Variants in IFT122 observed in about 807,000 individuals in gnomAD.
The protein encoded by IFT122 is intraflagellar transport protein 122 homolog.
A neutral mutation model predicts 161.6 loss-of-function variants in IFT122; 118 were observed. That is an observed-to-expected ratio of 0.73 (90% CI 0.63 to 0.85). The LOEUF (loss-of-function observed/expected upper bound fraction) is 0.85. IFT122 is among the 40% of genes least tolerant of loss of function. The probability of loss-of-function intolerance (pLI) is 0.00; values close to 1 mark genes in which losing one functional copy is unlikely to be tolerated. For missense variants in IFT122, 1,381 were observed against 1,579.6 expected, an observed-to-expected ratio of 0.87 and a Z score of 2.13; for synonymous variants, 550 against 602.4, an observed-to-expected ratio of 0.91 and a Z score of 1.27.
chr3:129,483,939 A>G (rs538946237), intron 15 of IFT122: 7 of 546,858 alleles, frequency 1.3e-5, no homozygotes, highest in African/African-American at 1.1e-4. Context: ...TGGGAGGGGT[A>G]TGCAGTGTTG....
At chr3:129,482,594 C>G (rs1325339768) in intron 14 of IFT122, among the ~76,000 whole-genome samples, 2 of 152,132 alleles carry the variant, frequency 1.3e-5, no homozygotes, top group African/African-American at 4.8e-5. Flanking sequence ...CTGGCCACCT[C>G]TAGCCCAGAG....
intron 17 of IFT122, among the ~76,000 whole-genome samples, chr3:129,492,820 T>TC (rs1197073520): frequency 6.7e-6 from 1 of 149,716 alleles, no homozygotes; most frequent in African/African-American, 2.5e-5. Context: ...TTTTTTCTTT[T>TC]TTTTTTTTTT....
intron 15 of IFT122, among the ~76,000 whole-genome samples, chr3:129,486,395 C>T (rs1480468916): frequency 6.6e-6 from 1 of 152,210 alleles, no homozygotes; most frequent in Non-Finnish European, 1.5e-5. Context: ...TTTCAGGTTT[C>T]GTCAAGCCAA....
chr3:129,461,210 C>T lies in IFT122; in HGVS notation c.273-18C>T, dbSNP rs759640182. ...TTGTGGTTTGCTGCATAGTAATCTA[C>T]AGTTGTTTACTTCCCAGGCACAATG... is the stretch of plus-strand genomic sequence containing the variant. On this transcript the variant is annotated intron_variant, in intron 4 of 29. Transcript: ENST00000348417. 2 of 1,590,570 alleles carry T rather than the reference C, an allele frequency of 1.3e-6. No homozygotes were observed. The highest frequency in any genetic ancestry group is 1.7e-6 in the Non-Finnish European group (2 of 1,158,522).
chr3:129,498,973 T>A (rs933022793), intron 18 of IFT122, among the ~76,000 whole-genome samples: 7 of 152,212 alleles, frequency 4.6e-5, no homozygotes, highest in Admixed American at 6.5e-5. Flanking sequence ...TCTCACACAT[T>A]GTAGGGCCAG....
chr3:129,516,028 C>G (rs1428672969), intron 26 of IFT122, among the ~76,000 whole-genome samples: 1 of 151,026 alleles, frequency 6.6e-6, no homozygotes, highest in African/African-American at 2.4e-5. Flanking sequence ...CCTGCACACA[C>G]ACACATACAG....
At chr3:129,508,609 C>T (rs2082440863) in intron 23 of IFT122, among the ~76,000 whole-genome samples, 1 of 152,062 alleles carries the variant, frequency 6.6e-6, no homozygotes, top group Non-Finnish European at 1.5e-5. Context: ...AAATAGGAAC[C>T]ATTATGATCA....
chr3:129,480,883 CAAAA>C (rs1235073599), intron 13 of IFT122, among the ~76,000 whole-genome samples: 9 of 151,218 alleles, frequency 6.0e-5, no homozygotes, highest in Admixed American at 6.6e-5. Flanking sequence ...CAAAACAAAA[CAAAA>C]AAAACACCAG....
In IFT122 at chr3:129,520,255, C is replaced by T. The variant is rs776716339; in HGVS notation, c.3716C>T (p.Pro1239Leu). ...CPYCRRCKDD[P>L]GP ...TACTGCCGCAGGTGCAAGGATGACC[C>T]TGGCCCATGACCAGCATCCTGGGGA... Residue 1239 changes from proline (P) to leucine (L), a missense_variant, in exon 30 of 30, where the codon CCT becomes CTT. Pro to Leu is a moderately conservative substitution (Grantham distance 98). This residue lies in a region of IFT122 where 177 missense variants were observed against 199.2 expected (regional missense o/e 0.89). Coordinates refer to ENST00000348417, the MANE Select transcript of IFT122 (RefSeq NM_052989.3). 2.5e-6 allele frequency: 4 copies of T among 1,609,090 alleles called. No homozygotes were observed. The highest frequency in any genetic ancestry group is 3.3e-5 in the Admixed American group (2 of 59,914).
chr3:129,519,232 C>T, intron 28 of IFT122, 46 bp downstream of exon 28: 2 of 1,521,854 alleles, frequency 1.3e-6, no homozygotes, highest in South Asian at 1.1e-5. Flanking sequence ...AGCCTCCATC[C>T]CTTCTCCTGT....
At chr3:129,450,012 T>A in intron 2 of IFT122, 75 bp downstream of exon 2, 4 of 156,032 alleles carry the variant, frequency 2.6e-5, no homozygotes, top group Non-Finnish European at 4.6e-5. Flanking sequence ...AATTTGACCC[T>A]TTTTTTTTTT....
At chr3:129,452,547 G>C (rs2074972977) in intron 3 of IFT122, among the ~76,000 whole-genome samples, 1 of 152,158 alleles carries the variant, frequency 6.6e-6, no homozygotes, top group South Asian at 2.1e-4. Context: ...GGGGGGAAGA[G>C]AGCTCTTTGC....
At position 129,500,105 on chromosome 3, in the gene IFT122, GCATGTCATCA is replaced by G. The variant is rs1298094744; in HGVS notation, c.2375+45_2375+54del. 4 of 1,610,666 alleles carry G rather than the reference GCATGTCATCA, an allele frequency of 2.5e-6. No homozygotes were observed. The African/African-American group carries it at 5.3e-5, about 22-fold the overall frequency. On this transcript the variant is annotated intron_variant, in intron 19 of 29. Coordinates refer to ENST00000348417, the MANE Select transcript of IFT122 (RefSeq NM_052989.3). ...TCCCTGCCCCGAGAAGCATTTGGCA[GCATGTCATCA>G]CATGTCACCTCTTGACTGACAAGGG...
chr3:129,440,483 C>A, intron 1 of IFT122, 112 bp downstream of exon 1: 1 of 1,269,552 alleles, frequency 7.9e-7, no homozygotes, highest in Non-Finnish European at 1.1e-6. Flanking sequence ...GGGCCGAGGG[C>A]ACTGAACCCC....
At chr3:129,520,113 C>A in intron 29 of IFT122, 63 bp from the exon 30 acceptor site, 1 of 1,384,190 alleles carries the variant, frequency 7.2e-7, no homozygotes, top group Admixed American at 1.8e-5. Flanking sequence ...TGCGTCCTGG[C>A]CCCAGGCGTA....
At position 129,517,547 on chromosome 3, in the gene IFT122, T is replaced by C; in HGVS notation, c.3344T>C (p.Val1115Ala). 1 of 1,613,918 alleles carries C rather than the reference T, an allele frequency of 6.2e-7. No homozygotes were observed. The highest frequency in any genetic ancestry group is 8.5e-7 in the Non-Finnish European group (1 of 1,179,922). The change falls in exon 27 of 30, where the codon GTG becomes GCG. Residue 1115 changes from valine to alanine, a missense_variant. Physicochemically the swap from Val to Ala is moderately conservative, Grantham distance 64 (BLOSUM62 0). This residue lies in a region of IFT122 where 177 missense variants were observed against 199.2 expected (regional missense o/e 0.89). Coordinates refer to ENST00000348417, the MANE Select transcript of IFT122 (RefSeq NM_052989.3). ...GCCATCTCCCTCATCGACCTGGAGG[T>C]GCTGAGACCCAAGCGGGATGACAGA... ...EEAISLIDLE[V>A]LRPKRDDRQL...
At chr3:129,506,072 C>T (rs1307847351) in intron 21 of IFT122, among the ~76,000 whole-genome samples, 1 of 152,188 alleles carries the variant, frequency 6.6e-6, no homozygotes, top group African/African-American at 2.4e-5. Context: ...AAACTTTGCC[C>T]TGGAATGAGC....
intron 18 of IFT122, among the ~76,000 whole-genome samples, chr3:129,496,550 C>G (rs1301341037): frequency 4.6e-5 from 7 of 152,206 alleles, no homozygotes; most frequent in South Asian, 4.1e-4. Context: ...ATCTTCCCCA[C>G]TTTTTTCTGC....
In IFT122 at chr3:129,502,859, G is replaced by T. The variant is rs761464058; in HGVS notation, c.2524G>T (p.Val842Leu). 1.9e-6 allele frequency: 3 copies of T among 1,611,808 alleles called. No homozygotes were observed. Among genetic ancestry groups the T allele is most frequent in the South Asian group, 1.1e-5 (1 of 91,088 alleles). Residue 842 changes from valine to leucine, a missense_variant, in exon 20 of 30, where the codon GTG becomes TTG. This residue lies in a region of IFT122 where 496 missense variants were observed against 502.5 expected (regional missense o/e 0.99). Coordinates refer to ENST00000348417, the MANE Select transcript of IFT122 (RefSeq NM_052989.3). Reference sequence around the variant, plus strand: ...CCTCAAGTCCCTGGTGCAGCTGCACGTGGAGACCCAGCGCTGGGATGAGGT... The same window carrying T: ...CCTCAAGTCCCTGGTGCAGCTGCACTTGGAGACCCAGCGCTGGGATGAGGT... ...GDLKSLVQLH[V>L]ETQRWDEAFA...
Sources: gnomAD v4.1 joint callset for allele counts (sites outside exome capture counted in the v4.1 genomes callset) on GRCh38, gnomAD v4.1.1 for gene constraint, gnomAD v4.1.1 regional missense constraint, MANE v1.5 for transcripts, NCBI Gene and HGNC (gene_info 2026-07-23, HGNC 2026-07-21) for gene names.